Variants in NEK10 observed in about 807,000 individuals in gnomAD.
The protein encoded by NEK10 is serine/threonine-protein kinase Nek10.
In NEK10, 122 loss-of-function variants were observed where a neutral mutation model predicts 159.8. The ratio of observed to expected loss-of-function variants is 0.76; its 90% CI spans 0.66 to 0.89. The LOEUF (loss-of-function observed/expected upper bound fraction) is 0.89, where lower values mean the gene tolerates loss of function less well. NEK10 is among the 40% of genes least tolerant of loss of function. The probability of loss-of-function intolerance (pLI) is 0.00; values close to 1 mark genes in which losing one functional copy is unlikely to be tolerated. For synonymous variants in NEK10, 466 were observed against 457.1 expected (o/e 1.02, Z -0.25); for missense variants, 1,342 against 1,323.1 (o/e 1.01, Z -0.22).
intron 14 of NEK10, 87 bp downstream of exon 14, chr3:27,297,092 C>G: frequency 3.9e-6 from 3 of 766,662 alleles, no homozygotes; most frequent in Non-Finnish European, 6.7e-6. Flanking sequence ...AATCCCAAAA[C>G]CTATGTTCTG....
chr3:27,261,447 A>C, intron 22 of NEK10, among the ~76,000 whole-genome samples: 1 of 152,196 alleles, frequency 6.6e-6, no homozygotes. Context: ...GGTTTCAAAG[A>C]ACATCTTTAT....
In NEK10 at chr3:27,283,402, T is replaced by G. The variant is rs544048406; in HGVS notation, c.2014+1200A>C. Among the ~76,000 whole-genome samples, 7 of 152,306 alleles carry G rather than the reference T, an allele frequency of 4.6e-5. No homozygotes were observed. In the South Asian group the frequency reaches 1.0e-3, roughly 23 times the overall value. On this transcript the variant is annotated intron_variant, in intron 22 of 35. Coordinates refer to ENST00000691995, the MANE Select transcript of NEK10 (RefSeq NM_001394966.1). ...TCCTTTATGTTTTATTTCTGTAGAT[T>G]TTGTTATTTACTACAGAATCTTTGT...
At chr3:27,149,427 C>T (rs1944616984) in intron 30 of NEK10, among the ~76,000 whole-genome samples, 1 of 152,096 alleles carries the variant, frequency 6.6e-6, no homozygotes, top group African/African-American at 2.4e-5. Context: ...CTACTGGCAC[C>T]ATTTTTCTAG....
At chr3:27,365,756 G>C (rs2049035033) in intron 1 of NEK10, among the ~76,000 whole-genome samples, 1 of 151,538 alleles carries the variant, frequency 6.6e-6, no homozygotes, top group African/African-American at 2.4e-5. Flanking sequence ...GGGATTACCA[G>C]CACGCGTCAC....
intron 31 of NEK10, among the ~76,000 whole-genome samples, chr3:27,133,499 G>T (rs1194142537): frequency 2.0e-5 from 3 of 152,338 alleles, no homozygotes; most frequent in African/African-American, 7.2e-5. Flanking sequence ...CTTTGGCTGG[G>T]TGCAGTGGCT....
intron 25 of NEK10, among the ~76,000 whole-genome samples, chr3:27,198,579 G>T (rs546123722): frequency 9.9e-5 from 15 of 152,258 alleles, no homozygotes; most frequent in African/African-American, 3.6e-4. Flanking sequence ...TAACTGGCTA[G>T]CCAGTTGCAG....
intron 25 of NEK10, among the ~76,000 whole-genome samples, chr3:27,193,356 T>G (rs1949276002): frequency 3.3e-5 from 5 of 152,218 alleles, no homozygotes; most frequent in Admixed American, 1.3e-4. Context: ...CTAACCAGAA[T>G]ACTATTCCTA....
At chr3:27,309,727 T>C (rs1350788185) in intron 9 of NEK10, 6 of 152,244 alleles carry the variant, frequency 3.9e-5, no homozygotes, top group Admixed American at 3.9e-4. Flanking sequence ...GGCATTGTGC[T>C]AGGCACTTTC....
chr3:27,129,889 G>T (rs1168034933), intron 32 of NEK10, among the ~76,000 whole-genome samples: 5 of 144,894 alleles, frequency 3.5e-5, no homozygotes, highest in African/African-American at 1.3e-4. Context: ...ATTAAGAAAG[G>T]TTTTTTTTTT....
chr3:27,297,958 T>C (rs530965908), intron 13 of NEK10, among the ~76,000 whole-genome samples: 1 of 152,306 alleles, frequency 6.6e-6, no homozygotes, highest in South Asian at 2.1e-4. Flanking sequence ...CACATAATTC[T>C]CACAATGATC....
intron 35 of NEK10, among the ~76,000 whole-genome samples, chr3:27,115,040 C>T (rs1405028991): frequency 6.6e-6 from 1 of 152,088 alleles, no homozygotes; most frequent in African/African-American, 2.4e-5. Context: ...TTTCTCTGAC[C>T]CCTGGAGTCT....
intron 23 of NEK10, among the ~76,000 whole-genome samples, chr3:27,235,303 G>A (rs1953787168): frequency 1.3e-5 from 2 of 152,082 alleles, no homozygotes; most frequent in African/African-American, 4.8e-5. Context: ...TACAGCAAAA[G>A]AAACTATCAA....
intron 32 of NEK10, among the ~76,000 whole-genome samples, chr3:27,122,725 G>C (rs1228955231): frequency 1.3e-5 from 2 of 152,102 alleles, no homozygotes; most frequent in Non-Finnish European, 2.9e-5. Context: ...TAATTATTAA[G>C]TTTATACCTT....
chr3:27,310,091 AT>A (rs1294433863), intron 9 of NEK10: 9 of 152,024 alleles, frequency 5.9e-5, no homozygotes, highest in African/African-American at 2.2e-4. Flanking sequence ...CAGTATATGG[AT>A]TTTTTGCCTT....
intron 12 of NEK10, among the ~76,000 whole-genome samples, chr3:27,303,434 A>G (rs1169421152): frequency 6.6e-6 from 1 of 152,200 alleles, no homozygotes; most frequent in Non-Finnish European, 1.5e-5. Context: ...ATAATAAAGA[A>G]TAACCACCAC....
chr3:27,113,252 G>A (rs952614257), intron 35 of NEK10, among the ~76,000 whole-genome samples: 14 of 151,918 alleles, frequency 9.2e-5, no homozygotes, highest in African/African-American at 3.4e-4. Flanking sequence ...CCAACATGAA[G>A]AAACCCCGTT....
chr3:27,258,473 T>C (rs1956458227), intron 22 of NEK10, among the ~76,000 whole-genome samples: 1 of 151,504 alleles, frequency 6.6e-6, no homozygotes, highest in African/African-American at 2.4e-5. Context: ...ATGCGGTGTT[T>C]GGTTTTTTGT....
Position 27,192,164 on chromosome 3 carries a change from A to G in NEK10, c.2370T>C (p.Tyr790=). 1 of 1,614,142 alleles carries G rather than the reference A, an allele frequency of 6.2e-7. No homozygotes were observed. The highest frequency in any genetic ancestry group is 8.5e-7 in the Non-Finnish European group (1 of 1,179,966). Residue 790 remains tyrosine (Y), a synonymous_variant, in exon 26 of 36, where the codon TAT becomes TAC. Transcript: ENST00000691995. The part of the protein sequence containing the change: ...SSMISDVMMK[Y]LDNLSTSQLS... ...ACTGGGATGTAGATAAGTTGTCTAA[A>G]TATTTCATCATGACATCTGATATCA...
chr3:27,164,725 A>G (rs894125625), intron 29 of NEK10, among the ~76,000 whole-genome samples: 10 of 152,210 alleles, frequency 6.6e-5, no homozygotes, highest in Admixed American at 3.9e-4. Flanking sequence ...CATTCATGCC[A>G]TGTAGCTGCT....
Sources: gnomAD v4.1 joint callset for allele counts (sites outside exome capture counted in the v4.1 genomes callset) on GRCh38, gnomAD v4.1.1 for gene constraint, MANE v1.5 for transcripts, NCBI Gene and HGNC (gene_info 2026-07-23, HGNC 2026-07-21) for gene names.